Variants in SPATS2L observed in about 807,000 individuals in gnomAD.
SPATS2L encodes spermatogenesis associated serine rich 2 like.
Under a neutral mutation model 59.6 loss-of-function variants are expected in SPATS2L, and 30 were observed. The ratio of observed to expected loss-of-function variants is 0.50; its 90% CI spans 0.38 to 0.68. The LOEUF is 0.68. SPATS2L is among the 30% of genes least tolerant of loss of function. SPATS2L has a pLI of 0.00. For missense variants in SPATS2L, 615 were observed against 700.0 expected, an observed-to-expected ratio of 0.88 and a Z score of 1.37; for synonymous variants, 252 against 263.5, an observed-to-expected ratio of 0.96 and a Z score of 0.42.
chr2:200,448,116 A>G (rs1412227577), intron 8 of SPATS2L, among the ~76,000 whole-genome samples: 44 of 152,072 alleles, frequency 2.9e-4, no homozygotes, highest in Admixed American at 2.9e-3. Context: ...ATTATACTCC[A>G]GGCTGGGCAA....
At chr2:200,465,388 G>A (rs1454748679) in intron 9 of SPATS2L, among the ~76,000 whole-genome samples, 1 of 152,222 alleles carries the variant, frequency 6.6e-6, no homozygotes, top group African/African-American at 2.4e-5. Context: ...GTAATGTGTG[G>A]ACCAAACAAG....
intron 1 of SPATS2L, among the ~76,000 whole-genome samples, chr2:200,322,771 C>T (rs1162365454): frequency 1.3e-5 from 2 of 152,104 alleles, no homozygotes; most frequent in African/African-American, 2.4e-5. Context: ...ATAGGGTAAT[C>T]CTGATTTGTC....
intron 8 of SPATS2L, among the ~76,000 whole-genome samples, chr2:200,452,073 T>C (rs1036498834): frequency 1.3e-5 from 2 of 152,100 alleles, no homozygotes; most frequent in Non-Finnish European, 2.9e-5. Flanking sequence ...GCTGGGATTA[T>C]AGGCATGAGC....
chr2:200,368,636 A>G (rs1311327687), intron 2 of SPATS2L, among the ~76,000 whole-genome samples: 1 of 152,200 alleles, frequency 6.6e-6, no homozygotes, highest in Non-Finnish European at 1.5e-5. Context: ...TTGTGACCAC[A>G]ATGTTTAAGC....
rs2087661522 is a variant in SPATS2L at position 200,477,829 on chromosome 2, C to T, written c.1475C>T (p.Ala492Val). Reference protein sequence around the residue: ...KNKGGAKNQEASLGMKTPEAP... With the variant: ...KNKGGAKNQEVSLGMKTPEAP... ...AAAGGCGGTGCCAAAAATCAAGAGG[C>T]TTCCTTGGGGATGAAGACCCCCGAG... is the stretch of plus-strand genomic sequence containing the variant. The change falls in exon 13 of 13, where the codon GCT (alanine) becomes GTT (valine). Residue 492 changes from alanine (A) to valine (V), a missense_variant. Transcript: ENST00000409140. 6.3e-7 allele frequency: 1 copy of T among 1,578,740 alleles called. No homozygotes were observed. The highest frequency in any genetic ancestry group is 8.6e-7 in the Non-Finnish European group (1 of 1,162,306).
At chr2:200,316,984 T>C (rs749750988) in intron 1 of SPATS2L, among the ~76,000 whole-genome samples, 3 of 152,266 alleles carry the variant, frequency 2.0e-5, no homozygotes, top group East Asian at 1.9e-4. Context: ...AAGACAGATA[T>C]AGGGCTGATT....
chr2:200,410,983 TCA>T (rs1258949433), intron 3 of SPATS2L, among the ~76,000 whole-genome samples: 1 of 150,126 alleles, frequency 6.7e-6, no homozygotes, highest in Non-Finnish European at 1.5e-5. Flanking sequence ...GAATAGAAAA[TCA>T]ATTTGTATGT....
intron 6 of SPATS2L, among the ~76,000 whole-genome samples, chr2:200,438,049 C>A (rs1421646023): frequency 2.6e-5 from 4 of 152,074 alleles, no homozygotes; most frequent in Admixed American, 2.6e-4. Flanking sequence ...GGGTGAGGGG[C>A]AGATATGGAA....
chr2:200,412,766 T>C (rs779222930), intron 4 of SPATS2L, among the ~76,000 whole-genome samples: 1 of 152,174 alleles, frequency 6.6e-6, no homozygotes, highest in Non-Finnish European at 1.5e-5. Flanking sequence ...ATATTAAATG[T>C]GTCCTTGGCC....
At chr2:200,382,100 G>T (rs764064668) in intron 2 of SPATS2L, among the ~76,000 whole-genome samples, 2 of 152,084 alleles carry the variant, frequency 1.3e-5, no homozygotes, top group African/African-American at 2.4e-5. Flanking sequence ...CTGTCACCCA[G>T]GCTGGAGTGC....
intron 1 of SPATS2L, among the ~76,000 whole-genome samples, chr2:200,326,744 T>C (rs1469632612): frequency 6.6e-6 from 1 of 151,916 alleles, no homozygotes; most frequent in African/African-American, 2.4e-5. Context: ...CTTTTTTTTT[T>C]CGAGACGGAG....
chr2:200,417,158 G>C (rs1238407214), intron 5 of SPATS2L, among the ~76,000 whole-genome samples: 2 of 152,152 alleles, frequency 1.3e-5, no homozygotes, highest in Admixed American at 1.3e-4. Context: ...AAGGCCTTGT[G>C]TTTCGGATTT....
intron 2 of SPATS2L, chr2:200,372,135 G>A (rs1260859987): frequency 3.0e-6 from 3 of 985,300 alleles, no homozygotes; most frequent in Non-Finnish European, 3.6e-6. Context: ...GACTAAGACA[G>A]AATGAGACCA....
intron 1 of SPATS2L, among the ~76,000 whole-genome samples, chr2:200,309,538 A>G (rs188901507): frequency 6.6e-6 from 1 of 152,340 alleles, no homozygotes; most frequent in East Asian, 1.9e-4. Context: ...TTCTGTGCAC[A>G]GAAGAGTAGA....
chr2:200,309,384 T>A (rs910882588), intron 1 of SPATS2L, among the ~76,000 whole-genome samples: 2 of 152,248 alleles, frequency 1.3e-5, no homozygotes, highest in Non-Finnish European at 1.5e-5. Flanking sequence ...CCTGTCCCAC[T>A]GTATGACAAG....
chr2:200,351,423 GAAATTA>G, intron 2 of SPATS2L: 1 of 413,606 alleles, frequency 2.4e-6, no homozygotes, highest in Non-Finnish European at 5.1e-6. Flanking sequence ...AAAATCCTGA[GAAATTA>G]AAATTAAATG....
At position 200,478,776 on chromosome 2, in the gene SPATS2L, T is replaced by C. The variant is rs2087707076; in HGVS notation, c.*745T>C. On this transcript the variant is annotated 3_prime_UTR_variant, in exon 13 of 13. Transcript: ENST00000409140. The stretch of plus-strand genomic sequence containing the variant: ...TGTGGCAGTTGGGCAGTTGGAAACA[T>C]TGGTTGCAAGTACTACAAACCTCAG... 1 of 152,284 alleles carries C rather than the reference T, an allele frequency of 6.6e-6. No individual in the cohort carries two copies. Among genetic ancestry groups the C allele is most frequent in the Non-Finnish European group, 1.5e-5 (1 of 68,046 alleles). The allele number at this position is 152,284 out of a possible 1,614,324, so 9.4% of individuals were successfully genotyped here. A position where few individuals can be genotyped will look rare whatever the true frequency, so the allele number is the denominator to read the frequency against.
intron 9 of SPATS2L, among the ~76,000 whole-genome samples, chr2:200,465,124 G>A (rs2086505032): frequency 6.6e-6 from 1 of 152,194 alleles, no homozygotes; most frequent in Admixed American, 6.5e-5. Context: ...CCGTAGTCCC[G>A]AGAATGACTG....
At chr2:200,450,557 T>G (rs1481415551) in intron 8 of SPATS2L, among the ~76,000 whole-genome samples, 1 of 152,148 alleles carries the variant, frequency 6.6e-6, no homozygotes, top group African/African-American at 2.4e-5. Context: ...TTCATCCACT[T>G]AATAGATAGA....
Sources: allele counts gnomAD v4.1 joint callset (sites outside exome capture counted in the v4.1 genomes callset), GRCh38; gene constraint gnomAD v4.1.1; transcripts MANE v1.5; gene names NCBI Gene and HGNC (gene_info 2026-07-23, HGNC 2026-07-21).